The following VCL variants were observed in gnomAD, a reference collection of about 807,000 sequenced individuals.
VCL encodes the protein vinculin.
A neutral mutation model predicts 125.7 loss-of-function variants in VCL; 47 were observed. That is an observed-to-expected ratio of 0.37 (90% CI 0.30 to 0.48). VCL has a LOEUF of 0.48. Ranked by LOEUF, VCL falls within the 20% of genes least tolerant of loss-of-function variation. VCL has a pLI of 0.99. For missense variants in VCL, 1,069 were observed against 1,455.5 expected, an observed-to-expected ratio of 0.73 and a Z score of 4.32; for synonymous variants, 458 against 514.6, an observed-to-expected ratio of 0.89 and a Z score of 1.49.
chr10:74,074,026 G>C (rs967545749), intron 5 of VCL, among the ~76,000 whole-genome samples: 2 of 152,016 alleles, frequency 1.3e-5, no homozygotes, highest in African/African-American at 4.8e-5. Flanking sequence ...TCAGGAGTTC[G>C]AGACCAGCCT....
chr10:74,058,590 T>G (rs1169740472), intron 2 of VCL, among the ~76,000 whole-genome samples: 2 of 146,350 alleles, frequency 1.4e-5, no homozygotes, highest in Non-Finnish European at 3.0e-5. Context: ...CTCCCCAACT[T>G]TTTTTTTTTT....
At chr10:74,033,555 C>A (rs940889723) in intron 1 of VCL, among the ~76,000 whole-genome samples, 2 of 152,146 alleles carry the variant, frequency 1.3e-5, no homozygotes, top group South Asian at 2.1e-4. Context: ...TTCTATTGAT[C>A]CCCCTGCCCC....
chr10:74,109,190 T>C (rs1409913397), intron 18 of VCL, 34 bp downstream of exon 18: 4 of 1,613,054 alleles, frequency 2.5e-6, no homozygotes, highest in Admixed American at 1.7e-5. Flanking sequence ...TGAGAAAGGA[T>C]GTCTTCTCGG....
At position 74,111,910 on chromosome 10, in the gene VCL, C is replaced by A; in HGVS notation, c.2747C>A (p.Pro916Gln). 1 of 1,614,218 alleles carries A rather than the reference C, an allele frequency of 6.2e-7. No homozygotes were observed. The highest frequency in any genetic ancestry group is 8.5e-7 in the Non-Finnish European group (1 of 1,180,032). ...HDEARKWSSKPGIPAAEVGIG... is the reference protein window; with the variant it reads ...HDEARKWSSKQGIPAAEVGIG... ...TCATCCTTCCCGCCATCGACAAAGC[C>A]GGGCATCCCAGCCGCTGAGGTGGGT... The change falls in exon 19 of 22, where the codon CCG (proline) becomes CAG (glutamine). Residue 916 changes from proline (P) to glutamine (Q), a missense_variant and splice_region_variant. Coordinates refer to ENST00000211998, the MANE Select transcript of VCL (RefSeq NM_014000.3).
chr10:74,004,394 C>A (rs951609872), intron 1 of VCL, among the ~76,000 whole-genome samples: 3 of 152,140 alleles, frequency 2.0e-5, no homozygotes, highest in Admixed American at 2.0e-4. Context: ...AAGTAACCTG[C>A]CCACAGTGGC....
downstream of VCL, chr10:74,120,253 G>C (rs909922125): frequency 6.6e-6 from 1 of 152,176 alleles, no homozygotes; most frequent in Non-Finnish European, 1.5e-5. Flanking sequence ...TAATCCTCAA[G>C]ATCTGGAAAC....
At chr10:74,044,982 C>T (rs75086480) in intron 2 of VCL, among the ~76,000 whole-genome samples, 2 of 151,688 alleles carry the variant, frequency 1.3e-5, no homozygotes, top group East Asian at 3.9e-4. Context: ...AGTTTGAGAC[C>T]AGCCTGGGCA....
At chr10:74,054,043 A>C (rs1478063270) in intron 2 of VCL, among the ~76,000 whole-genome samples, 1 of 152,094 alleles carries the variant, frequency 6.6e-6, no homozygotes, top group African/African-American at 2.4e-5. Context: ...AATTCTTGGA[A>C]ATTCTTTTGT....
In VCL at chr10:74,105,040, T is replaced by A. The variant is rs1840110077; in HGVS notation, c.2132-11T>A. 1 of 1,614,126 alleles carries A rather than the reference T, an allele frequency of 6.2e-7. No individual in the cohort carries two copies. Among genetic ancestry groups the A allele is most frequent in the Non-Finnish European group, 8.5e-7 (1 of 1,180,020 alleles). ...AATTGAAACTAAATTCCATTTCTGTTTTCCTAACAGGGCTGGTGGACGAAG... is the reference window on the plus strand; with the variant it reads ...AATTGAAACTAAATTCCATTTCTGTATTCCTAACAGGGCTGGTGGACGAAG... On this transcript the variant is annotated splice_polypyrimidine_tract_variant and intron_variant, in intron 15 of 21. Coordinates refer to ENST00000211998, the MANE Select transcript of VCL (RefSeq NM_014000.3).
intron 17 of VCL, 143 bp downstream of exon 17, chr10:74,107,497 A>G (rs1840154425): frequency 7.2e-7 from 1 of 1,386,318 alleles, no homozygotes; most frequent in East Asian, 2.4e-5. Flanking sequence ...GCAGATCTCG[A>G]TTTTCATTCC....
intron 2 of VCL, among the ~76,000 whole-genome samples, chr10:74,060,600 G>A (rs1164476915): frequency 7.0e-6 from 1 of 142,964 alleles, no homozygotes; most frequent in Non-Finnish European, 1.5e-5. Context: ...AGGTTGCTGT[G>A]AGCTGAGATC....
intron 8 of VCL, among the ~76,000 whole-genome samples, chr10:74,083,772 A>G (rs753218735): frequency 6.6e-6 from 1 of 151,986 alleles, no homozygotes; most frequent in Non-Finnish European, 1.5e-5. Flanking sequence ...GCTCACTGCA[A>G]CCTCCACCTC....
chr10:74,007,715 C>T (rs765681193), intron 1 of VCL, among the ~76,000 whole-genome samples: 5 of 151,038 alleles, frequency 3.3e-5, no homozygotes, highest in Non-Finnish European at 5.9e-5. Context: ...AGGTTGGTCT[C>T]GAACTCCTGA....
In VCL at chr10:74,089,212, C is replaced by A; in HGVS notation, c.1039C>A (p.Pro347Thr). ...TTTGAGCAGAGGACAAGGATCCTCA[C>A]CGGTGGCCATGCAGAAAGCTCAGCA... ...DLRARGQGSS[P>T]VAMQKAQQVS... Residue 347 changes from proline to threonine, a missense_variant, in exon 9 of 22, where the codon CCG becomes ACG. Pro to Thr is a conservative substitution (Grantham distance 38). Coordinates refer to ENST00000211998, the MANE Select transcript of VCL (RefSeq NM_014000.3). The A allele has an allele frequency of 6.2e-7, 1 of 1,614,026 alleles. No individual in the cohort carries two copies. The highest frequency in any genetic ancestry group is 8.5e-7 in the Non-Finnish European group (1 of 1,179,984).
At chr10:74,079,695 A>AGT (rs1400413062) in intron 6 of VCL, among the ~76,000 whole-genome samples, 1 of 152,184 alleles carries the variant, frequency 6.6e-6, no homozygotes, top group Non-Finnish European at 1.5e-5. Context: ...TTTCAAAAGA[A>AGT]ATATATATGA....
chr10:74,027,095 T>G (rs1840785179), intron 1 of VCL, among the ~76,000 whole-genome samples: 1 of 152,134 alleles, frequency 6.6e-6, no homozygotes, highest in Non-Finnish European at 1.5e-5. Context: ...TAAGGATGCA[T>G]TTTAAATTCT....
intron 1 of VCL, among the ~76,000 whole-genome samples, chr10:74,015,332 C>T (rs934952551): frequency 3.3e-5 from 5 of 152,298 alleles, no homozygotes; most frequent in Non-Finnish European, 4.4e-5. Flanking sequence ...GCGGGTGGAT[C>T]GCTTGAGGTC....
At chr10:74,001,113 G>A (rs1840216525) in intron 1 of VCL, among the ~76,000 whole-genome samples, 1 of 152,164 alleles carries the variant, frequency 6.6e-6, no homozygotes, top group South Asian at 2.1e-4. Flanking sequence ...AACAAAGAGA[G>A]CAGGAGGGGA....
intron 2 of VCL, among the ~76,000 whole-genome samples, chr10:74,066,249 G>A (rs545486507): frequency 5.3e-5 from 8 of 151,946 alleles, no homozygotes; most frequent in African/African-American, 1.4e-4. Flanking sequence ...AATACAGACA[G>A]GGTTTCTCCA....
Sources: gnomAD v4.1 joint callset for allele counts (sites outside exome capture counted in the v4.1 genomes callset) on GRCh38, gnomAD v4.1.1 for gene constraint, MANE v1.5 for transcripts, NCBI Gene and HGNC (gene_info 2026-07-23, HGNC 2026-07-21) for gene names.